The following SUMF2 variants were observed in gnomAD, a reference collection of about 807,000 sequenced individuals.
SUMF2 encodes the protein inactive C-alpha-formylglycine-generating enzyme 2.
A neutral mutation model predicts 44.8 loss-of-function variants in SUMF2; 45 were observed. That is an observed-to-expected ratio of 1.00 (90% confidence interval 0.79 to 1.29). SUMF2 has a LOEUF of 1.29. Among genes scored for constraint, SUMF2 ranks in the 50% most tolerant of loss-of-function variants. SUMF2 has a pLI of 0.00. For synonymous variants in SUMF2, 148 were observed against 150.4 expected (o/e 0.98, Z 0.12); for missense variants, 418 against 389.9 (o/e 1.07, Z -0.61).
rs756453397 is a variant in SUMF2 at position 56,072,951 on chromosome 7, G to A, written c.225-46G>A. On this transcript the variant is annotated intron_variant, in intron 2 of 8. Transcript: ENST00000434526. ...TCCTGGAGCAGGAGAAGATGGGGTG[G>A]GCACAGAACCTCACCAGCTGAACCA... 10 of 1,432,596 alleles carry A rather than the reference G, an allele frequency of 7.0e-6. No homozygotes were observed. In the African/African-American group the frequency reaches 1.1e-4, roughly 16 times the overall value. The allele number at this position is 1,432,596 out of a possible 1,614,324, so 88.7% of individuals were successfully genotyped here. A position where few individuals can be genotyped will look rare whatever the true frequency, so the allele number is the denominator to read the frequency against.
At chr7:56,076,913 A>G in intron 6 of SUMF2, 24 bp downstream of exon 6, 1 of 1,597,568 alleles carries the variant, frequency 6.3e-7, no homozygotes, top group Non-Finnish European at 8.5e-7. Context: ...TCCTCCTTTC[A>G]CCAAGCATTG....
chr7:56,084,235 G>C (rs776449640), downstream of SUMF2: 165 of 1,526,640 alleles, frequency 1.1e-4, no homozygotes, highest in Admixed American at 1.6e-4. Flanking sequence ...TTGTATCAGT[G>C]TCTTCCCATC....
chr7:56,079,457 A>G, intron 8 of SUMF2, 71 bp from the exon 9 acceptor site: 1 of 1,463,388 alleles, frequency 6.8e-7, no homozygotes, highest in Non-Finnish European at 9.3e-7. Context: ...CGGATGAGGC[A>G]GGCAAGATGG....
intron 8 of SUMF2, chr7:56,079,292 T>C: frequency 5.3e-6 from 3 of 564,350 alleles, no homozygotes; most frequent in South Asian, 2.4e-5. Context: ...CCACTGTCCC[T>C]CCCCCTACTC....
intron 8 of SUMF2, 97 bp downstream of exon 8, chr7:56,078,605 G>A (rs1405754726): frequency 4.4e-6 from 6 of 1,359,788 alleles, no homozygotes; most frequent in Admixed American, 3.0e-5. Flanking sequence ...ACCACCAACC[G>A]TCTGTGTGTG....
chr7:56,071,948 A>G (rs1795187271), intron 2 of SUMF2, among the ~76,000 whole-genome samples: 1 of 151,056 alleles, frequency 6.6e-6, no homozygotes, highest in Non-Finnish European at 1.5e-5. Context: ...GTCTCTACTA[A>G]AAAGACAAAA....
chr7:56,065,190 C>CAAAA (rs60513641), intron 1 of SUMF2, among the ~76,000 whole-genome samples: 4 of 56,544 alleles, frequency 7.1e-5, no homozygotes, highest in African/African-American at 1.4e-4. Flanking sequence ...GACTCCGTCT[C>CAAAA]AAAAAAAAAA....
downstream of SUMF2, chr7:56,081,418 T>C (rs1330375421): frequency 5.2e-6 from 7 of 1,343,212 alleles, no homozygotes; most frequent in South Asian, 1.4e-5. This position sits in a 1 kb window ranked among gnomAD's most constrained non-coding sequence, Gnocchi z 4.6. Context: ...CTGCGGGGCC[T>C]TCCTAGTGTC....
At chr7:56,078,870 T>C (rs1795765054) in intron 8 of SUMF2, 2 of 458,670 alleles carry the variant, frequency 4.4e-6, no homozygotes, top group South Asian at 1.0e-4. Context: ...ATGGACTTAC[T>C]GACTCTTCAA....
downstream of SUMF2, among the ~76,000 whole-genome samples, chr7:56,084,748 A>G (rs968530168): frequency 6.6e-6 from 1 of 152,204 alleles, no homozygotes; most frequent in Non-Finnish European, 1.5e-5. Flanking sequence ...AAGTTTGCCA[A>G]TTACAGGATT....
At chr7:56,087,010 T>C in the SUMF2 span, 1 of 1,613,298 alleles carries the variant, frequency 6.2e-7, no homozygotes, top group Non-Finnish European at 8.5e-7. Context: ...GTCTCATAAG[T>C]GTCCTTCAGC....
downstream of SUMF2, among the ~76,000 whole-genome samples, chr7:56,084,431 T>C (rs1267179397): frequency 1.4e-5 from 2 of 147,480 alleles, no homozygotes; most frequent in African/African-American, 5.0e-5. Context: ...TGGAGTGCAA[T>C]GATGCAATCT....
At chr7:56,087,521 C>T in the SUMF2 span, 6 of 1,437,578 alleles carry the variant, frequency 4.2e-6, no homozygotes, top group African/African-American at 2.8e-5. Flanking sequence ...TGCGGTGGGG[C>T]CACACTCCCT....
intron 4 of SUMF2, 162 bp from the exon 5 acceptor site, chr7:56,074,424 T>C (rs1795394757): frequency 9.6e-7 from 1 of 1,046,598 alleles, no homozygotes; most frequent in Non-Finnish European, 1.4e-6. Flanking sequence ...CAGCCTCCTG[T>C]AGTCTCTTTT....
chr7:56,074,537 C>T lies in SUMF2; in HGVS notation c.385-49C>T, dbSNP rs1480637747. On this transcript the variant is annotated intron_variant, in intron 4 of 8. Transcript: ENST00000434526. ...GGGCGCCCTAAACCTAGCCTGCCTC[C>T]GACTTAATGCGCTCCCGGAAGCCTG... 3.1e-6 allele frequency: 5 copies of T among 1,601,946 alleles called. No individual in the cohort carries two copies. The African/African-American group carries it at 5.4e-5, about 17-fold the overall frequency.
At chr7:56,074,295 C>T (rs1017318722) in intron 4 of SUMF2, 77 bp downstream of exon 4, 3 of 1,414,678 alleles carry the variant, frequency 2.1e-6, no homozygotes, top group African/African-American at 2.8e-5. Flanking sequence ...CTCTCTACCC[C>T]TCGTACATCC....
At position 56,078,512 on chromosome 7, in the gene SUMF2, A is replaced by C. The variant is rs2117498549; in HGVS notation, c.821+4A>C. 6.4e-7 allele frequency: 1 copy of C among 1,561,338 alleles called. No homozygotes were observed. The highest frequency in any genetic ancestry group is 2.3e-5 in the East Asian group (1 of 44,286). On this transcript the variant is annotated splice_donor_region_variant and intron_variant, in intron 8 of 8. Coordinates refer to ENST00000434526, the MANE Select transcript of SUMF2 (RefSeq NM_015411.4). The stretch of plus-strand genomic sequence containing the variant: ...ACCGGGCCCGGGTCACCACCAGGTA[A>C]GGGGCTTGGTCCCAGGCAACACGGG...
In SUMF2 at chr7:56,080,032, G is replaced by C. The variant is rs1795875358; in HGVS notation, c.*420G>C. Reference sequence around the variant, plus strand: ...TTTCCTGGTTCTGTTTTCTCAGCCAGTTGCTGTGGAAGGAGAATGCTTTCT... The same window carrying C: ...TTTCCTGGTTCTGTTTTCTCAGCCACTTGCTGTGGAAGGAGAATGCTTTCT... On this transcript the variant is annotated 3_prime_UTR_variant, in exon 9 of 9. Coordinates refer to ENST00000434526, the MANE Select transcript of SUMF2 (RefSeq NM_015411.4). The C allele has an allele frequency of 1.4e-6, 1 of 707,782 alleles. No homozygotes were observed. Among genetic ancestry groups the C allele is most frequent in the South Asian group, 2.0e-5 (1 of 50,258 alleles). 43.8% of individuals were successfully genotyped at this position (707,782 alleles called of 1,614,324 possible).
downstream of SUMF2, chr7:56,083,800 T>C: frequency 2.2e-6 from 2 of 890,816 alleles, no homozygotes; most frequent in Admixed American, 2.0e-5. Flanking sequence ...CCTTCCACCC[T>C]GATACCTCTA....
Sources: allele counts gnomAD v4.1 joint callset (sites outside exome capture counted in the v4.1 genomes callset), GRCh38; gene constraint gnomAD v4.1.1; non-coding constraint Gnocchi (gnomAD v3.1); transcripts MANE v1.5; gene names NCBI Gene and HGNC (gene_info 2026-07-23, HGNC 2026-07-21).